The following SLX4IP variants were observed in gnomAD, a reference collection of about 807,000 sequenced individuals.
The protein encoded by SLX4IP is SLX4 interacting protein, also known as protein SLX4IP.
Under a neutral mutation model 32.9 loss-of-function variants are expected in SLX4IP, and 34 were observed. That is an observed-to-expected ratio of 1.03 (90% CI 0.79 to 1.38). The LOEUF (loss-of-function observed/expected upper bound fraction) is 1.38. SLX4IP is among the 40% of genes most tolerant of loss of function. The probability of loss-of-function intolerance (pLI) is 0.00; values close to 1 mark genes in which losing one functional copy is unlikely to be tolerated. For missense variants in SLX4IP, 444 were observed against 479.0 expected (o/e 0.93, Z 0.68); for synonymous variants, 172 against 171.7 (o/e 1.00, Z -0.01).
intron 4 of SLX4IP, among the ~76,000 whole-genome samples, chr20:10,597,588 A>G (rs907309824): frequency 6.6e-5 from 10 of 152,174 alleles, no homozygotes; most frequent in African/African-American, 2.4e-4. Flanking sequence ...TTCTGTTACT[A>G]CCTATAACTG....
At chr20:10,445,311 CTTTTTTTTTT>C (rs36058168) in intron 1 of SLX4IP, among the ~76,000 whole-genome samples, 2 of 90,198 alleles carry the variant, frequency 2.2e-5, no homozygotes, top group South Asian at 4.1e-4. Context: ...TTTTTTCTTT[CTTTTTTTTTT>C]TTTTTTTTTT....
Position 10,585,573 on chromosome 20 carries a change from T to TTTTC in SLX4IP, c.239-13082_239-13079dup, listed in dbSNP as rs528144254. On this transcript the variant is annotated intron_variant, in intron 4 of 7. Coordinates refer to ENST00000334534, the MANE Select transcript of SLX4IP (RefSeq NM_001009608.3). ...CTTTCCTTTCCTTTCCTTTCCTTTT[T>TTTTC]TTTCTTTCTTTCTTTCTTTCTTTTT... Among the ~76,000 whole-genome samples the TTTTC allele has an allele frequency of 2.6e-3, 402 of 151,822 alleles. 1 individual carries two copies. Among genetic ancestry groups the TTTTC allele is most frequent in the African/African-American group, 9.2e-3 (378 of 41,276 alleles).
chr20:10,458,089 T>C, intron 1 of SLX4IP, 87 bp from the exon 2 acceptor site: 4 of 758,838 alleles, frequency 5.3e-6, no homozygotes, highest in Non-Finnish European at 8.0e-6. Flanking sequence ...ATTGATATTT[T>C]ACTATTCAGC....
At chr20:10,501,221 G>A (rs1158432773) in intron 2 of SLX4IP, among the ~76,000 whole-genome samples, 2 of 152,146 alleles carry the variant, frequency 1.3e-5, no homozygotes, top group Non-Finnish European at 2.9e-5. Context: ...GCTAGTGATG[G>A]TGGAGGGAGT....
chr20:10,523,097 A>G (rs1426803844), intron 2 of SLX4IP, among the ~76,000 whole-genome samples: 1 of 152,114 alleles, frequency 6.6e-6, no homozygotes, highest in African/African-American at 2.4e-5. Context: ...ACAGAGATCA[A>G]ATTGTTCCTC....
chr20:10,514,175 G>A (rs2065832311), intron 2 of SLX4IP, among the ~76,000 whole-genome samples: 1 of 152,114 alleles, frequency 6.6e-6, no homozygotes, highest in Admixed American at 6.5e-5. Context: ...AAACTCTACC[G>A]GGGAGTGGGA....
intron 2 of SLX4IP, among the ~76,000 whole-genome samples, chr20:10,490,975 C>G (rs895040929): frequency 6.6e-6 from 1 of 152,026 alleles, no homozygotes; most frequent in Admixed American, 6.6e-5. Context: ...AAGCAAGCTA[C>G]TTGTAATTCC....
intron 2 of SLX4IP, among the ~76,000 whole-genome samples, chr20:10,540,546 C>T (rs2066095415): frequency 6.6e-6 from 1 of 152,186 alleles, no homozygotes; most frequent in South Asian, 2.1e-4. Flanking sequence ...GCAGCTGATA[C>T]AGACTTGTCC....
At chr20:10,534,092 G>C (rs1418122413) in intron 2 of SLX4IP, among the ~76,000 whole-genome samples, 1 of 152,122 alleles carries the variant, frequency 6.6e-6, no homozygotes, top group Non-Finnish European at 1.5e-5. Flanking sequence ...GGGTGAGGGT[G>C]GTGGGTCACT....
At chr20:10,560,886 A>G in intron 4 of SLX4IP, 66 bp downstream of exon 4, 4 of 1,410,568 alleles carry the variant, frequency 2.8e-6, no homozygotes, top group Non-Finnish European at 3.8e-6. Flanking sequence ...AGAGATGGCA[A>G]TTATGTTTGA....
At chr20:10,579,537 C>T (rs1233746880) in intron 4 of SLX4IP, among the ~76,000 whole-genome samples, 1 of 152,100 alleles carries the variant, frequency 6.6e-6, no homozygotes, top group Non-Finnish European at 1.5e-5. Context: ...AACCGATTCT[C>T]CACCTCAGCC....
At chr20:10,509,351 T>A (rs553074109) in intron 2 of SLX4IP, among the ~76,000 whole-genome samples, 3 of 152,212 alleles carry the variant, frequency 2.0e-5, no homozygotes, top group Non-Finnish European at 4.4e-5. Flanking sequence ...GGAAAATGAC[T>A]GAGATCACCG....
chr20:10,565,759 CA>C (rs557191760), intron 4 of SLX4IP, among the ~76,000 whole-genome samples: 102 of 152,294 alleles, frequency 6.7e-4, no homozygotes, highest in African/African-American at 2.2e-3. Context: ...TAATCAGTAA[CA>C]ACAAGCTATT....
intron 4 of SLX4IP, among the ~76,000 whole-genome samples, chr20:10,586,536 T>A (rs1410431345): frequency 6.6e-6 from 1 of 152,110 alleles, no homozygotes; most frequent in East Asian, 1.9e-4. Context: ...TATGTAAGGG[T>A]TCCTAGTACA....
intron 4 of SLX4IP, among the ~76,000 whole-genome samples, chr20:10,581,901 C>T (rs1463082619): frequency 6.6e-6 from 1 of 152,050 alleles, no homozygotes; most frequent in Non-Finnish European, 1.5e-5. Context: ...CATCAAAGCC[C>T]CCTGTAACTG....
At chr20:10,619,405 A>G (rs542055415) in intron 6 of SLX4IP, among the ~76,000 whole-genome samples, 1 of 152,052 alleles carries the variant, frequency 6.6e-6, no homozygotes, top group South Asian at 2.1e-4. Context: ...TGAAGTTCCC[A>G]TAGGAAATGC....
At chr20:10,439,124 A>G (rs2065140235) in intron 1 of SLX4IP, among the ~76,000 whole-genome samples, 1 of 152,172 alleles carries the variant, frequency 6.6e-6, no homozygotes, top group South Asian at 2.1e-4. Context: ...ATATTCACCA[A>G]TTGATGGACA....
At chr20:10,597,722 G>A (rs1426235158) in intron 4 of SLX4IP, among the ~76,000 whole-genome samples, 1 of 152,134 alleles carries the variant, frequency 6.6e-6, no homozygotes, top group African/African-American at 2.4e-5. Flanking sequence ...GAGTGCTATT[G>A]TGAACACTGT....
chr20:10,459,211 TG>T (rs1230907849), intron 2 of SLX4IP, among the ~76,000 whole-genome samples: 5 of 152,156 alleles, frequency 3.3e-5, no homozygotes, highest in Non-Finnish European at 5.9e-5. Context: ...TGGCGTCATT[TG>T]TTTTTTTTCT....
Sources: allele counts gnomAD v4.1 joint callset (sites outside exome capture counted in the v4.1 genomes callset), GRCh38; gene constraint gnomAD v4.1.1; transcripts MANE v1.5; gene names NCBI Gene and HGNC (gene_info 2026-07-23, HGNC 2026-07-21).